The following SCARB2 variants were observed in gnomAD, a reference collection of about 807,000 sequenced individuals.
SCARB2 encodes lysosome membrane protein 2.
SCARB2 carries 29 observed loss-of-function variants against 58.6 expected under a neutral mutation model. That is an observed-to-expected ratio of 0.49 (90% CI 0.37 to 0.67). The LOEUF is 0.67. SCARB2 is among the 30% of genes least tolerant of loss of function. The probability of loss-of-function intolerance (pLI) is 0.00; values close to 1 mark genes in which losing one functional copy is unlikely to be tolerated. For synonymous variants in SCARB2, 195 were observed against 210.1 expected, an observed-to-expected ratio of 0.93 and a Z score of 0.62; for missense variants, 488 against 578.5, an observed-to-expected ratio of 0.84 and a Z score of 1.60.
intron 10 of SCARB2, chr4:76,165,994 G>C (rs1394537167): frequency 5.2e-6 from 3 of 575,798 alleles, no homozygotes; most frequent in Non-Finnish European, 9.3e-6. Context: ...TTTCCTACGT[G>C]AGCAGCTCCC....
At chr4:76,187,731 A>T (rs1233865896) in intron 2 of SCARB2, among the ~76,000 whole-genome samples, 1 of 152,196 alleles carries the variant, frequency 6.6e-6, no homozygotes, top group Non-Finnish European at 1.5e-5. Flanking sequence ...TTTTTGAGAC[A>T]GTGAAGCCAT....
intron 1 of SCARB2, among the ~76,000 whole-genome samples, chr4:76,228,081 C>A (rs1416191617): frequency 1.1e-5 from 1 of 91,768 alleles, no homozygotes; most frequent in Non-Finnish European, 2.7e-5. Context: ...CTAGTTGGTG[C>A]CTGAATACCT....
intron 1 of SCARB2, among the ~76,000 whole-genome samples, chr4:76,232,281 T>C (rs939364169): frequency 2.0e-5 from 3 of 152,128 alleles, no homozygotes; most frequent in Middle Eastern, 3.2e-3. Context: ...CTTGCTTTGG[T>C]TGATATTCGT....
At chr4:76,177,866 C>T (rs183501955) in intron 4 of SCARB2, among the ~76,000 whole-genome samples, 44 of 152,258 alleles carry the variant, frequency 2.9e-4, no homozygotes, top group Non-Finnish European at 5.6e-4. Flanking sequence ...TTGCCAGGGC[C>T]TGGGAGAGTA....
chr4:76,203,684 C>A (rs1281885598), intron 1 of SCARB2, among the ~76,000 whole-genome samples: 1 of 152,212 alleles, frequency 6.6e-6, no homozygotes, highest in Non-Finnish European at 1.5e-5. Context: ...GAGTCGCTGG[C>A]CAGGCTGACA....
Position 76,170,661 on chromosome 4 carries a change from GCA to G in SCARB2, c.995-678_995-677del, listed in dbSNP as rs1732109556. Among the ~76,000 whole-genome samples the G allele has an allele frequency of 2.0e-5, 3 of 152,004 alleles. No homozygotes were observed. In the South Asian group the frequency reaches 6.2e-4, roughly 32 times the overall value. ...GCCTCCCAAGTAGCTGGGACTACAG[GCA>G]TGCACCACCACACCCGGATAATTTT... is the stretch of plus-strand genomic sequence containing the variant. On this transcript the variant is annotated intron_variant, in intron 7 of 11. Coordinates refer to ENST00000264896, the MANE Select transcript of SCARB2 (RefSeq NM_005506.4).
intron 1 of SCARB2, among the ~76,000 whole-genome samples, chr4:76,200,184 G>A (rs1197508193): frequency 6.6e-6 from 1 of 152,210 alleles, no homozygotes; most frequent in East Asian, 1.9e-4. Flanking sequence ...CGAGGGTTCT[G>A]CTGTGGTGAT....
In SCARB2 at chr4:76,160,737, T is replaced by C. The variant is rs561023934; in HGVS notation, c.*976A>G. 2.6e-5 allele frequency: 4 copies of C among 152,334 alleles called. No individual in the cohort carries two copies. Among genetic ancestry groups the C allele is most frequent in the East Asian group, 1.9e-4 (1 of 5,192 alleles). 9.4% of individuals were successfully genotyped at this position (152,334 alleles called of 1,614,324 possible). On this transcript the variant is annotated 3_prime_UTR_variant, in exon 12 of 12. Coordinates refer to ENST00000264896, the MANE Select transcript of SCARB2 (RefSeq NM_005506.4). ...GTCTAATCAGACTTTCTGAAACTTA[T>C]GTGTAACTTAGGCTGTAGATAGATG...
At chr4:76,217,518 T>G (rs948324473), upstream of SCARB2, 2 of 420,248 alleles carry the variant, frequency 4.8e-6, no homozygotes, top group African/African-American at 4.1e-5. Flanking sequence ...CCTCCTTCTC[T>G]CTCTAGCTTC....
At chr4:76,167,621 T>C (rs1403293311) in intron 9 of SCARB2, among the ~76,000 whole-genome samples, 1 of 150,668 alleles carries the variant, frequency 6.6e-6, no homozygotes, top group African/African-American at 2.4e-5. Context: ...CAATTAAATC[T>C]CTTTATAAAT....
Position 76,175,819 on chromosome 4 carries a change from G to C in SCARB2, c.796C>G (p.Leu266Val). The C allele has an allele frequency of 6.2e-7, 1 of 1,613,950 alleles. No homozygotes were observed. Among genetic ancestry groups the C allele is most frequent in the Non-Finnish European group, 8.5e-7 (1 of 1,179,980 alleles). Residue 266 changes from leucine (L) to valine (V), a missense_variant, in exon 6 of 12, where the codon CTT becomes GTT. Physicochemically the swap from Leu to Val is conservative, Grantham distance 32. Transcript: ENST00000264896. The stretch of plus-strand genomic sequence containing the variant: ...CAAAAGTCAGATGGGAAGACATAAA[G>C]GACCTCATCTTTGGTTATTAGTGGG... ...FHPLITKDEV[L>V]YVFPSDFCRS... is the part of the protein sequence containing the mutation.
intron 1 of SCARB2, among the ~76,000 whole-genome samples, chr4:76,231,194 G>A (rs1346654122): frequency 6.6e-6 from 1 of 152,206 alleles, no homozygotes; most frequent in Non-Finnish European, 1.5e-5. Flanking sequence ...TAAGATTTGG[G>A]TGCATGATGC....
chr4:76,218,512 CAAG>C (rs543215688), upstream of SCARB2, among the ~76,000 whole-genome samples: 57 of 152,348 alleles, frequency 3.7e-4, no homozygotes, highest in African/African-American at 1.3e-3. Context: ...CTCCTCCGAT[CAAG>C]AAGACCTCAT....
intron 1 of SCARB2, among the ~76,000 whole-genome samples, chr4:76,219,830 C>CA (rs1733278290): frequency 6.6e-6 from 1 of 152,144 alleles, no homozygotes; most frequent in Admixed American, 6.5e-5. Context: ...CTAACCACTG[C>CA]ACTCACCACA....
At chr4:76,179,471 C>G in intron 4 of SCARB2, 46 bp downstream of exon 4, 2 of 1,397,244 alleles carry the variant, frequency 1.4e-6, no homozygotes, top group South Asian at 2.3e-5. Flanking sequence ...TGCCCCAACC[C>G]ACTGTCAGCT....
At chr4:76,187,993 T>C (rs1247447848) in intron 2 of SCARB2, among the ~76,000 whole-genome samples, 1 of 152,072 alleles carries the variant, frequency 6.6e-6, no homozygotes, top group Non-Finnish European at 1.5e-5. Flanking sequence ...AAAATAGAAA[T>C]GAATAATCCA....
At chr4:76,227,244 A>AT in intron 1 of SCARB2, among the ~76,000 whole-genome samples, 1 of 152,152 alleles carries the variant, frequency 6.6e-6, no homozygotes. Flanking sequence ...CGTTCAAAGA[A>AT]TTTTTTAAAT....
chr4:76,187,156 A>G (rs1306538802), intron 2 of SCARB2, among the ~76,000 whole-genome samples: 1 of 152,234 alleles, frequency 6.6e-6, no homozygotes, highest in Non-Finnish European at 1.5e-5. Flanking sequence ...GGAAAAACAG[A>G]ACTATAAGAA....
At chr4:76,189,267 A>G (rs1483118981) in intron 2 of SCARB2, among the ~76,000 whole-genome samples, 2 of 152,226 alleles carry the variant, frequency 1.3e-5, no homozygotes, top group Admixed American at 1.3e-4. Flanking sequence ...ATGGATGCAC[A>G]TATTTATTAG....
Sources: gnomAD v4.1 joint callset for allele counts (sites outside exome capture counted in the v4.1 genomes callset) on GRCh38, gnomAD v4.1.1 for gene constraint, MANE v1.5 for transcripts, NCBI Gene and HGNC (gene_info 2026-07-23, HGNC 2026-07-21) for gene names.